Variants in ZC3H12D observed in about 807,000 individuals in gnomAD.
The protein encoded by ZC3H12D is zinc finger CCCH-type containing 12D.
ZC3H12D carries 11 observed loss-of-function variants against 24.2 expected under a neutral mutation model. That is an observed-to-expected ratio of 0.46 (90% CI 0.29 to 0.75). The LOEUF (loss-of-function observed/expected upper bound fraction) is 0.75, where lower values mean the gene tolerates loss of function less well. Ranked by LOEUF, ZC3H12D falls within the 30% of genes least tolerant of loss-of-function variation. The pLI, the probability that ZC3H12D is intolerant of heterozygous loss-of-function variation, is 0.11. For synonymous variants in ZC3H12D, 333 were observed against 341.8 expected, an observed-to-expected ratio of 0.97 and a Z score of 0.28; for missense variants, 740 against 767.7, an observed-to-expected ratio of 0.96 and a Z score of 0.43.
intron 5 of ZC3H12D, 31 bp from the exon 6 acceptor site, chr6:149,451,510 C>A (rs1378850930): frequency 6.5e-7 from 1 of 1,528,170 alleles, no homozygotes; most frequent in Non-Finnish European, 8.7e-7. Context: ...GAGGGCGCGA[C>A]GTGAGGCCCG....
chr6:149,473,938 T>C (rs1776288270), intron 2 of ZC3H12D, among the ~76,000 whole-genome samples: 1 of 152,166 alleles, frequency 6.6e-6, no homozygotes, highest in African/African-American at 2.4e-5. Flanking sequence ...CTCTGGGTTA[T>C]GATCATAACA....
At position 149,474,338 on chromosome 6, in the gene ZC3H12D, G is replaced by A. The variant is rs2115012092; in HGVS notation, c.206C>T (p.Ser69Phe). 1.2e-6 allele frequency: 2 copies of A among 1,602,436 alleles called. No individual in the cohort carries two copies. Among genetic ancestry groups the A allele is most frequent in the Non-Finnish European group, 1.7e-6 (2 of 1,171,808 alleles). Residue 69 changes from serine to phenylalanine, a missense_variant, in exon 2 of 6, where the codon TCT (serine) becomes TTT (phenylalanine). Transcript: ENST00000409806. ...GGCTGTCCCCGGGCCACGCTGGGCA[G>A]AGTCCGGGACCCCACAGGAGCCCCG... is the stretch of plus-strand genomic sequence containing the variant. The part of the protein sequence containing the change: ...VPRGSCGVPD[S>F]AQRGPGTALE...
At chr6:149,465,609 G>A (rs1776145627) in intron 2 of ZC3H12D, among the ~76,000 whole-genome samples, 1 of 151,978 alleles carries the variant, frequency 6.6e-6, no homozygotes, top group Non-Finnish European at 1.5e-5. Context: ...AAAAAATTTA[G>A]CTAGGTGTGA....
intron 3 of ZC3H12D, among the ~76,000 whole-genome samples, chr6:149,458,030 T>C (rs1776011603): frequency 6.6e-6 from 1 of 151,898 alleles, no homozygotes; most frequent in African/African-American, 2.4e-5. Context: ...CAACCCTAGT[T>C]TTAGAACTCC....
chr6:149,483,866 T>C (rs1383039175), intron 1 of ZC3H12D, among the ~76,000 whole-genome samples: 1 of 152,220 alleles, frequency 6.6e-6, no homozygotes, highest in Non-Finnish European at 1.5e-5. Context: ...CTCTCGTTTT[T>C]AAGGCGAAAT....
At chr6:149,474,172 G>T in intron 2 of ZC3H12D, 67 bp downstream of exon 2, 1 of 1,350,774 alleles carries the variant, frequency 7.4e-7, no homozygotes, top group Non-Finnish European at 9.8e-7. Context: ...AAGGAAGAGG[G>T]ACAGTTCTCA....
intron 1 of ZC3H12D, among the ~76,000 whole-genome samples, chr6:149,483,567 G>A (rs1006467609): frequency 6.6e-6 from 1 of 152,162 alleles, no homozygotes; most frequent in Admixed American, 6.5e-5. Context: ...GCTCTTAGGA[G>A]TGGAACTGTA....
At chr6:149,465,550 C>T (rs1418496180) in intron 2 of ZC3H12D, among the ~76,000 whole-genome samples, 4 of 151,880 alleles carry the variant, frequency 2.6e-5, no homozygotes, top group African/African-American at 4.8e-5. Context: ...GTCAGGAGAT[C>T]GAGAGCATCC....
In ZC3H12D at chr6:149,451,328, G is replaced by A. The variant is rs1182932005; in HGVS notation, c.939C>T (p.Gly313=). The A allele has an allele frequency of 7.0e-7, 1 of 1,421,672 alleles. No homozygotes were observed. The highest frequency in any genetic ancestry group is 3.1e-5 in the Admixed American group (1 of 32,176). 88.1% of individuals were successfully genotyped at this position (1,421,672 alleles called of 1,614,324 possible). A position where few individuals can be genotyped will look rare whatever the true frequency, so the allele number is the denominator to read the frequency against. ...AEEQRPPRAP[G]GSAGARAAPR... ...GGGCCGCCCGGGCTCCTGCGGAGCC[G>A]CCCGGGGCTCTCGGTGGCCGCTGCT... Residue 313 remains glycine (G), a synonymous_variant, in exon 6 of 6, where the codon GGC becomes GGT. Coordinates refer to ENST00000409806, the MANE Select transcript of ZC3H12D (RefSeq NM_207360.3).
chr6:149,456,251 C>CAAAA lies in ZC3H12D; in HGVS notation c.680+411_680+414dup, dbSNP rs1775977739. On this transcript the variant is annotated intron_variant, in intron 4 of 5. Coordinates refer to ENST00000409806, the MANE Select transcript of ZC3H12D (RefSeq NM_207360.3). This position sits in a 1 kb window ranked among gnomAD's most constrained non-coding sequence, Gnocchi z 4.3. The stretch of plus-strand genomic sequence containing the variant: ...TGGGTGACAGAGCAAGACTCCATCT[C>CAAAA]AAAAAATAAAATAAAATAAAATAAA... Among the ~76,000 whole-genome samples the CAAAA allele has an allele frequency of 1.8e-5, 2 of 111,932 alleles. No individual in the cohort carries two copies. The highest frequency in any genetic ancestry group is 5.3e-4 in the South Asian group (2 of 3,752). The allele number at this position is 111,932 out of a possible 152,430, so 73.4% of individuals were successfully genotyped here. A position where few individuals can be genotyped will look rare whatever the true frequency, so the allele number is the denominator to read the frequency against.
chr6:149,456,721 C>G lies in ZC3H12D; in HGVS notation c.625G>C (p.Glu209Gln). 1 of 1,613,730 alleles carries G rather than the reference C, an allele frequency of 6.2e-7. No individual in the cohort carries two copies. The highest frequency in any genetic ancestry group is 8.5e-7 in the Non-Finnish European group (1 of 1,179,754). Residue 209 changes from glutamate (E) to glutamine (Q), a missense_variant, in exon 4 of 6, where the codon GAG (glutamate) becomes CAG (glutamine). Glu to Gln is a conservative substitution (Grantham distance 29). Transcript: ENST00000409806. This position sits in a 1 kb window ranked among gnomAD's most constrained non-coding sequence, Gnocchi z 4.3. ...CTCTGCTCGATGAACCACTTCCACT[C>G]GGGGTTCTCGCTCTGCAGGTCCCGG... The part of the protein sequence containing the change: ...NYRDLQSENP[E>Q]WKWFIEQRLL...
intron 3 of ZC3H12D, 99 bp downstream of exon 3, chr6:149,461,732 A>G: frequency 7.5e-7 from 1 of 1,328,540 alleles, no homozygotes; most frequent in Non-Finnish European, 1.0e-6. Context: ...GACAAATATC[A>G]TTAAACAAAC....
At chr6:149,451,724 GCACA>G (rs1228445018) in intron 5 of ZC3H12D, among the ~76,000 whole-genome samples, 1 of 152,232 alleles carries the variant, frequency 6.6e-6, no homozygotes, top group Non-Finnish European at 1.5e-5. Context: ...GGGGCGCTGA[GCACA>G]CTCATCCCAG....
chr6:149,474,439 G>A lies in ZC3H12D; in HGVS notation c.105C>T (p.Asp35=), dbSNP rs77661166. The change falls in exon 2 of 6, where the codon GAC becomes GAT. Residue 35 remains aspartate, a synonymous_variant. Coordinates refer to ENST00000409806, the MANE Select transcript of ZC3H12D (RefSeq NM_207360.3). ...CCGTGCGGATAAGCTCCTGCAGCAC[G>A]TCGTTGACCAGGGCGCCCTCGCCCA... is the stretch of plus-strand genomic sequence containing the variant. ...GKLGEGALVN[D]VLQELIRTGS... is the part of the protein sequence containing the mutation. 3.0e-3 allele frequency: 4,792 copies of A among 1,604,190 alleles called. 137 individuals are homozygous for A. In the African/African-American group the frequency reaches 0.058, roughly 19 times the overall value.
intron 2 of ZC3H12D, among the ~76,000 whole-genome samples, chr6:149,468,604 A>T (rs972792800): frequency 6.6e-6 from 1 of 152,158 alleles, no homozygotes; most frequent in East Asian, 1.9e-4. Flanking sequence ...CTGGGGGTTC[A>T]ATTGCAAACA....
chr6:149,482,851 T>C (rs1285999661), intron 1 of ZC3H12D, among the ~76,000 whole-genome samples: 1 of 152,016 alleles, frequency 6.6e-6, no homozygotes, highest in Non-Finnish European at 1.5e-5. Context: ...TTTGGTGACA[T>C]ACCCAGGCCC....
chr6:149,454,691 C>T (rs2115002061), intron 4 of ZC3H12D, among the ~76,000 whole-genome samples: 1 of 152,386 alleles, frequency 6.6e-6, no homozygotes, highest in Middle Eastern at 3.4e-3. Flanking sequence ...TTAACGGAGG[C>T]CAGTGCGTCA....
chr6:149,451,607 A>C (rs1039766702), intron 5 of ZC3H12D, 128 bp from the exon 6 acceptor site: 1 of 817,410 alleles, frequency 1.2e-6, no homozygotes, highest in African/African-American at 1.8e-5. Context: ...GCAGGCCCCC[A>C]GGCCGCCGCG....
intron 2 of ZC3H12D, among the ~76,000 whole-genome samples, chr6:149,469,421 G>T (rs1027658202): frequency 6.6e-6 from 1 of 151,840 alleles, no homozygotes; most frequent in African/African-American, 2.4e-5. Context: ...TGGCGCCACT[G>T]CACTCCAGCC....
Sources: gnomAD v4.1 joint callset for allele counts (sites outside exome capture counted in the v4.1 genomes callset) on GRCh38, gnomAD v4.1.1 for gene constraint, Gnocchi (gnomAD v3.1) non-coding constraint, MANE v1.5 for transcripts, NCBI Gene and HGNC (gene_info 2026-07-23, HGNC 2026-07-21) for gene names.